Variants in NUGGC observed in about 807,000 individuals in gnomAD.
NUGGC encodes the protein nuclear GTPase, germinal center associated, also known as nuclear GTPase SLIP-GC.
A neutral mutation model predicts 92.6 loss-of-function variants in NUGGC; 58 were observed. The ratio of observed to expected loss-of-function variants is 0.63; its 90% CI spans 0.51 to 0.78. NUGGC has a LOEUF of 0.78. Among genes scored for constraint, NUGGC ranks in the 30% least tolerant of loss-of-function variants. The pLI, the probability that NUGGC is intolerant of heterozygous loss-of-function variation, is 0.00. For synonymous variants in NUGGC, 376 were observed against 366.4 expected, an observed-to-expected ratio of 1.03 and a Z score of -0.30; for missense variants, 925 against 964.6, an observed-to-expected ratio of 0.96 and a Z score of 0.54.
At chr8:28,070,594 A>AT (rs56061461) in intron 2 of NUGGC, among the ~76,000 whole-genome samples, 22 of 140,840 alleles carry the variant, frequency 1.6e-4, no homozygotes, top group East Asian at 4.2e-4. Context: ...TCAAAAAAAA[A>AT]TTTTTTTTTT....
At chr8:28,032,696 G>T (rs1040525442) in intron 14 of NUGGC, among the ~76,000 whole-genome samples, 2 of 149,184 alleles carry the variant, frequency 1.3e-5, no homozygotes, top group Non-Finnish European at 1.5e-5. Context: ...ACTCCAGCCT[G>T]GGCGACAGAG....
chr8:28,045,096 T>C (rs776123106), intron 12 of NUGGC, among the ~76,000 whole-genome samples: 3 of 152,258 alleles, frequency 2.0e-5, no homozygotes, highest in African/African-American at 7.2e-5. Context: ...ATTATTTTCC[T>C]GTGCTCTTCT....
rs769581405 is a variant in NUGGC, at chr8:28,031,373, T to G, written c.1778A>C (p.Lys593Thr). ...PVFGSIFRTG[K>T]PTGSALMPHI... Reference sequence around the variant, plus strand: ...AGGCATCAGAGCTGAACCAGTGGGCTTCCCCGTCCTACGGAAGAAAGTGAC... The same window carrying G: ...AGGCATCAGAGCTGAACCAGTGGGCGTCCCCGTCCTACGGAAGAAAGTGAC... Residue 593 changes from lysine (K) to threonine (T), a missense_variant, in exon 15 of 19, where the codon AAG becomes ACG. Coordinates refer to ENST00000413272, the MANE Select transcript of NUGGC (RefSeq NM_001010906.2). 9.3e-6 allele frequency: 15 copies of G among 1,613,678 alleles called. No homozygotes were observed. Among genetic ancestry groups the G allele is most frequent in the Non-Finnish European group, 1.0e-5 (12 of 1,179,680 alleles).
chr8:28,075,065 G>A (rs763441868), intron 1 of NUGGC, among the ~76,000 whole-genome samples: 39 of 152,200 alleles, frequency 2.6e-4, no homozygotes, highest in Non-Finnish European at 3.1e-4. Context: ...GCTTTGGGTG[G>A]CATCAGTGCT....
At position 28,029,259 on chromosome 8, in the gene NUGGC, A is replaced by G; in HGVS notation, c.2154+7T>C. The G allele has an allele frequency of 1.2e-6, 2 of 1,602,574 alleles. No homozygotes were observed. The highest frequency in any genetic ancestry group is 1.7e-6 in the Non-Finnish European group (2 of 1,174,460). ...GGTCTAGGATCCAGGATGTGGGCAT[A>G]GAGTACCTTCAGCTGCTGAAACTGG... is the stretch of plus-strand genomic sequence containing the variant. On this transcript the variant is annotated splice_region_variant and intron_variant, in intron 17 of 18. Transcript: ENST00000413272.
chr8:28,039,628 A>G (rs1224418881), intron 13 of NUGGC, among the ~76,000 whole-genome samples: 1 of 152,198 alleles, frequency 6.6e-6, no homozygotes, highest in Admixed American at 6.5e-5. Flanking sequence ...CGGTGCACAT[A>G]GAAAAGCCTC....
At chr8:28,077,144 A>G (rs555281899) in intron 1 of NUGGC, among the ~76,000 whole-genome samples, 4 of 152,322 alleles carry the variant, frequency 2.6e-5, no homozygotes, top group African/African-American at 9.6e-5. Context: ...AAGAGGCACA[A>G]GCAATTTCTG....
chr8:28,067,394 G>A (rs1810462968), intron 6 of NUGGC, 120 bp downstream of exon 6: 4 of 685,214 alleles, frequency 5.8e-6, no homozygotes, highest in South Asian at 1.9e-5. Context: ...TCTAATTTGG[G>A]TAGCAACTTA....
At chr8:28,078,095 C>G (rs1357374506) in intron 1 of NUGGC, among the ~76,000 whole-genome samples, 1 of 152,214 alleles carries the variant, frequency 6.6e-6, no homozygotes, top group Non-Finnish European at 1.5e-5. Context: ...TTGGGTTTAG[C>G]TGCATGCAAT....
intron 2 of NUGGC, among the ~76,000 whole-genome samples, chr8:28,073,333 A>G (rs546042646): frequency 2.0e-5 from 3 of 152,038 alleles, no homozygotes; most frequent in African/African-American, 7.2e-5. Flanking sequence ...AAATCTTCCA[A>G]GCAAAACGAT....
chr8:28,040,733 G>A (rs957566478), intron 13 of NUGGC, among the ~76,000 whole-genome samples: 3 of 151,006 alleles, frequency 2.0e-5, no homozygotes, highest in Admixed American at 6.6e-5. Flanking sequence ...TGCAATCTCC[G>A]CCTCCCTGGT....
rs540150509 is a variant in NUGGC, at chr8:28,067,634, G to C, written c.591C>G (p.Thr197=). ...TTCCATAAATCATTTGTAGCTTCCA[G>C]GTGGCTTCCTCCACTGCCTCATCCC... The part of the protein sequence containing the change: ...WNRDEAVEEA[T]WKLQMIYGNG... Residue 197 remains threonine, a synonymous_variant, in exon 6 of 19, where the codon ACC becomes ACG. Transcript: ENST00000413272. 1.1e-5 allele frequency: 17 copies of C among 1,613,926 alleles called. No individual in the cohort carries two copies. The African/African-American group carries it at 1.2e-4, about 11-fold the overall frequency.
intron 1 of NUGGC, among the ~76,000 whole-genome samples, chr8:28,082,106 G>C (rs1188761406): frequency 1.3e-5 from 2 of 152,182 alleles, no homozygotes; most frequent in African/African-American, 4.8e-5. Context: ...TTCCAAACTA[G>C]GGATGTCCCA....
At chr8:28,033,748 C>G in intron 13 of NUGGC, 51 bp from the exon 14 acceptor site, 1 of 1,539,818 alleles carries the variant, frequency 6.5e-7, no homozygotes, top group Non-Finnish European at 9.0e-7. Flanking sequence ...TGGAAGGTCA[C>G]TGGATTAGAA....
intron 7 of NUGGC, 49 bp downstream of exon 7, chr8:28,064,473 G>T: frequency 2.1e-6 from 3 of 1,455,394 alleles, no homozygotes; most frequent in African/African-American, 1.4e-5. Flanking sequence ...CTTGAGAAAG[G>T]GTAGAGGAGT....
intron 13 of NUGGC, among the ~76,000 whole-genome samples, chr8:28,039,363 G>A (rs1032003439): frequency 1.3e-5 from 2 of 151,868 alleles, no homozygotes; most frequent in Non-Finnish European, 2.9e-5. Flanking sequence ...TTCCCCAGTA[G>A]CTGCGATTAC....
intron 14 of NUGGC, 84 bp from the exon 15 acceptor site, chr8:28,031,465 T>G: frequency 7.7e-7 from 1 of 1,300,682 alleles, no homozygotes; most frequent in Admixed American, 2.0e-5. Flanking sequence ...TGGTGTCCTT[T>G]TATTCATTTA....
intron 1 of NUGGC, among the ~76,000 whole-genome samples, chr8:28,079,770 A>T (rs1327415400): frequency 2.0e-5 from 3 of 152,326 alleles, no homozygotes; most frequent in African/African-American, 7.2e-5. Flanking sequence ...AGTGCCCGCA[A>T]AGGAGGGTTC....
At chr8:28,032,723 G>GAA (rs61015850) in intron 14 of NUGGC, among the ~76,000 whole-genome samples, 6 of 87,806 alleles carry the variant, frequency 6.8e-5, no homozygotes, top group African/African-American at 2.2e-4. Context: ...TCCATCTCAA[G>GAA]AAAAAAAAAA....
Sources: allele counts gnomAD v4.1 joint callset (sites outside exome capture counted in the v4.1 genomes callset), GRCh38; gene constraint gnomAD v4.1.1; transcripts MANE v1.5; gene names NCBI Gene and HGNC (gene_info 2026-07-23, HGNC 2026-07-21).